HEMK2: variants seen among roughly 807,000 people sequenced by gnomAD.
The protein encoded by HEMK2 is methyltransferase HEMK2.
the HEMK2 span, among the ~76,000 whole-genome samples, chr21:28,827,366 CTTT>C: frequency 4.6e-5 from 7 of 152,150 alleles, no homozygotes; most frequent in Non-Finnish European, 8.8e-5. Context: ...GAAGCTTCTT[CTTT>C]GAGTCACTTT....
At chr21:28,631,011 A>C in the HEMK2 span, among the ~76,000 whole-genome samples, 1 of 152,224 alleles carries the variant, frequency 6.6e-6, no homozygotes, top group Non-Finnish European at 1.5e-5. Context: ...CTAAGGAAAC[A>C]GGAAGTCACT....
the HEMK2 span, among the ~76,000 whole-genome samples, chr21:28,607,936 T>C: frequency 6.6e-6 from 1 of 152,214 alleles, no homozygotes; most frequent in Admixed American, 6.5e-5. Flanking sequence ...TGTACAGACC[T>C]TGATAATTTA....
chr21:28,867,253 A>G, the HEMK2 span, among the ~76,000 whole-genome samples: 1 of 152,272 alleles, frequency 6.6e-6, no homozygotes, highest in Non-Finnish European at 1.5e-5. Context: ...TTCAATGACC[A>G]AAGTATGAAT....
the HEMK2 span, among the ~76,000 whole-genome samples, chr21:28,673,000 G>GAGAAAGAA: frequency 7.1e-4 from 104 of 145,522 alleles, no homozygotes; most frequent in East Asian, 6.0e-3. Context: ...GAAAAAGAAA[G>GAGAAAGAA]AGAAAGAAAG....
chr21:28,847,607 G>A, the HEMK2 span, among the ~76,000 whole-genome samples: 1 of 152,116 alleles, frequency 6.6e-6, no homozygotes, highest in Admixed American at 6.5e-5. Context: ...TTGCTGTGCA[G>A]AAGCTCTTTC....
the HEMK2 span, among the ~76,000 whole-genome samples, chr21:28,748,792 T>C: frequency 6.6e-6 from 1 of 152,354 alleles, no homozygotes; most frequent in Admixed American, 6.5e-5. Context: ...ATTCCTGCCC[T>C]GTTCCTTAGA....
At chr21:28,591,127 A>C in the HEMK2 span, among the ~76,000 whole-genome samples, 1 of 152,200 alleles carries the variant, frequency 6.6e-6, no homozygotes, top group South Asian at 2.1e-4. Flanking sequence ...AAATTCCCAT[A>C]AAAAATAATG....
At chr21:28,663,844 T>C in the HEMK2 span, among the ~76,000 whole-genome samples, 2 of 152,170 alleles carry the variant, frequency 1.3e-5, no homozygotes, top group Admixed American at 1.3e-4. Flanking sequence ...TTCTGAGGGT[T>C]TGGCATTTAC....
the HEMK2 span, among the ~76,000 whole-genome samples, chr21:28,626,863 T>C: frequency 6.6e-6 from 1 of 152,152 alleles, no homozygotes; most frequent in Non-Finnish European, 1.5e-5. Flanking sequence ...TATACTTATA[T>C]GACCCAACAA....
At chr21:28,761,624 TA>T in the HEMK2 span, among the ~76,000 whole-genome samples, 1 of 151,676 alleles carries the variant, frequency 6.6e-6, no homozygotes, top group Non-Finnish European at 1.5e-5. Context: ...AATTTAGTAT[TA>T]AATATATGGG....
At chr21:28,654,072 A>G in the HEMK2 span, among the ~76,000 whole-genome samples, 1 of 152,146 alleles carries the variant, frequency 6.6e-6, no homozygotes, top group Non-Finnish European at 1.5e-5. Flanking sequence ...ACAATTGTCA[A>G]ATGAGCAGAA....
At chr21:28,636,691 G>A in the HEMK2 span, among the ~76,000 whole-genome samples, 115 of 152,232 alleles carry the variant, frequency 7.6e-4, 1 homozygote, top group Non-Finnish European at 1.1e-3. Flanking sequence ...AATCAATATT[G>A]CAATGAAGAA....
the HEMK2 span, among the ~76,000 whole-genome samples, chr21:28,792,533 C>T: frequency 0.3 from 45,590 of 151,922 alleles, 6,958 homozygotes; most frequent in East Asian, 0.41. Flanking sequence ...CCTGCTCTTG[C>T]GGTTGTAAGA....
At chr21:28,843,643 T>C in the HEMK2 span, among the ~76,000 whole-genome samples, 2 of 152,200 alleles carry the variant, frequency 1.3e-5, no homozygotes, top group South Asian at 4.1e-4. Context: ...TGTCATGGTC[T>C]CCTTTCAGCT....
At chr21:28,635,589 C>T in the HEMK2 span, among the ~76,000 whole-genome samples, 1 of 152,126 alleles carries the variant, frequency 6.6e-6, no homozygotes, top group Non-Finnish European at 1.5e-5. Flanking sequence ...ACTGATACTA[C>T]ACTACTGTGT....
chr21:28,639,661 A>G, the HEMK2 span, among the ~76,000 whole-genome samples: 1 of 152,242 alleles, frequency 6.6e-6, no homozygotes, highest in Non-Finnish European at 1.5e-5. Flanking sequence ...TTATCCGAGT[A>G]TCATCTATAT....
chr21:28,746,399 C>T, the HEMK2 span, among the ~76,000 whole-genome samples: 2 of 152,186 alleles, frequency 1.3e-5, no homozygotes, highest in East Asian at 3.8e-4. Context: ...ATAGACATAG[C>T]ATTGCCCTGC....
chr21:28,835,451 T>C, the HEMK2 span, among the ~76,000 whole-genome samples: 1 of 152,182 alleles, frequency 6.6e-6, no homozygotes, highest in African/African-American at 2.4e-5. Context: ...GGGAGAGTAC[T>C]ACATCAAGGG....
the HEMK2 span, among the ~76,000 whole-genome samples, chr21:28,598,103 A>G: frequency 1.3e-5 from 2 of 152,294 alleles, no homozygotes; most frequent in African/African-American, 2.4e-5. Context: ...GGTGTGCACA[A>G]AAGTGTTCAC....
Sources: allele counts gnomAD v4.1 joint callset (sites outside exome capture counted in the v4.1 genomes callset), GRCh38; gene constraint gnomAD v4.1.1; transcripts MANE v1.5; gene names NCBI Gene and HGNC (gene_info 2026-07-23, HGNC 2026-07-21).